Variants in SIMC1 observed in about 807,000 individuals in gnomAD.
The protein encoded by SIMC1 is SUMO interacting motifs containing 1, also known as SUMO-interacting motif-containing protein 1.
A neutral mutation model predicts 82.3 loss-of-function variants in SIMC1; 55 were observed. That is an observed-to-expected ratio of 0.67 (90% CI 0.54 to 0.84). SIMC1 has a LOEUF of 0.84. Ranked by LOEUF, SIMC1 falls within the 40% of genes least tolerant of loss-of-function variation. The pLI is 0.00. For missense variants in SIMC1, 915 were observed against 1,107.2 expected (o/e 0.83, Z 2.46); for synonymous variants, 353 against 426.3 (o/e 0.83, Z 2.12).
chr5:176,275,381 A>G (rs1042242150), intron 1 of SIMC1, among the ~76,000 whole-genome samples: 8 of 151,772 alleles, frequency 5.3e-5, no homozygotes, highest in Admixed American at 2.0e-4. Context: ...GTCTGAGACA[A>G]TGGGCTTTTC....
At chr5:176,261,249 C>T (rs571708971) in intron 1 of SIMC1, 1 of 152,120 alleles carries the variant, frequency 6.6e-6, no homozygotes, top group Non-Finnish European at 1.5e-5. Context: ...TTAAGTGATC[C>T]GCCCACCTCA....
At chr5:176,324,818 G>A (rs112164075) in intron 7 of SIMC1, 61 bp downstream of exon 7, 8 of 1,482,644 alleles carry the variant, frequency 5.4e-6, no homozygotes, top group African/African-American at 1.4e-5. Flanking sequence ...AAAACTCTTG[G>A]AAATCATTTT....
chr5:176,308,449 T>C, intron 4 of SIMC1: 1 of 1,608,344 alleles, frequency 6.2e-7, no homozygotes, highest in South Asian at 1.1e-5. Flanking sequence ...CATATAACTG[T>C]TTGGCCTTCA....
chr5:176,334,037 A>G (rs544331187), intron 7 of SIMC1, among the ~76,000 whole-genome samples: 1 of 151,884 alleles, frequency 6.6e-6, no homozygotes, highest in African/African-American at 2.4e-5. Flanking sequence ...CATTATGTAC[A>G]TCTTAATTTA....
intron 5 of SIMC1, among the ~76,000 whole-genome samples, chr5:176,315,583 C>G (rs1764865763): frequency 6.6e-6 from 1 of 152,136 alleles, no homozygotes. Flanking sequence ...TCTCTTTGTT[C>G]AGAGCAGCAT....
chr5:176,244,719 CT>C (rs1177032281), intron 1 of SIMC1, among the ~76,000 whole-genome samples: 460 of 114,494 alleles, frequency 4.0e-3, no homozygotes, highest in African/African-American at 0.011. Flanking sequence ...TTTTTTTTTC[CT>C]TTTTTTTTTT....
intron 4 of SIMC1, among the ~76,000 whole-genome samples, chr5:176,301,325 T>C (rs567128297): frequency 3.1e-4 from 47 of 152,316 alleles, no homozygotes; most frequent in African/African-American, 9.1e-4. Flanking sequence ...ACATGTAAGA[T>C]GTGACTTTGC....
chr5:176,322,382 C>A lies in SIMC1; in HGVS notation c.1999C>A (p.His667Asn). ...GTGILKASSSHPSSQPNLTKN... is the reference protein window; with the variant it reads ...GTGILKASSSNPSSQPNLTKN... ...AGGAATCTTGAAAGCCAGCAGTAGC[C>A]ACCCTTCTTCCCAGCCCAACCTGAC... The change falls in exon 6 of 10, where the codon CAC becomes AAC. Residue 667 changes from histidine (H) to asparagine (N), a missense_variant. Physicochemically the swap from His to Asn is moderately conservative, Grantham distance 68. Around this residue, in one of 2 missense-constraint regions of SIMC1, gnomAD observed 902 missense variants for 1,040.3 expected, o/e 0.87. Coordinates refer to ENST00000429602, the MANE Select transcript of SIMC1 (RefSeq NM_001308195.2). The A allele has an allele frequency of 1.2e-6, 2 of 1,608,610 alleles. No individual in the cohort carries two copies. The highest frequency in any genetic ancestry group is 8.5e-7 in the Non-Finnish European group (1 of 1,177,628).
At chr5:176,276,445 T>C (rs1762701829) in intron 1 of SIMC1, among the ~76,000 whole-genome samples, 1 of 145,476 alleles carries the variant, frequency 6.9e-6, no homozygotes, top group Non-Finnish European at 1.5e-5. Context: ...ATTAATTTTT[T>C]TTTCTTTTTT....
At chr5:176,308,071 G>GC in intron 4 of SIMC1, 1 of 725,294 alleles carries the variant, frequency 1.4e-6, no homozygotes, top group East Asian at 2.6e-5. Flanking sequence ...AGATGGCAGT[G>GC]CAGGTGGTGC....
At chr5:176,248,937 C>G (rs1426710353) in intron 1 of SIMC1, among the ~76,000 whole-genome samples, 1 of 152,126 alleles carries the variant, frequency 6.6e-6, no homozygotes, top group Non-Finnish European at 1.5e-5. Flanking sequence ...AGCCTTGCAT[C>G]CCAGGGATGA....
intron 1 of SIMC1, among the ~76,000 whole-genome samples, chr5:176,278,137 T>C (rs1240536530): frequency 1.5e-5 from 1 of 66,346 alleles, no homozygotes; most frequent in East Asian, 3.5e-4. Flanking sequence ...AGCAGTGGTT[T>C]GTAGTTCTCC....
At chr5:176,332,518 G>T (rs112975152) in intron 7 of SIMC1, among the ~76,000 whole-genome samples, 1 of 152,068 alleles carries the variant, frequency 6.6e-6, no homozygotes, top group South Asian at 2.1e-4. Flanking sequence ...TCGAACTCCC[G>T]ACCTCAGGTT....
At chr5:176,313,566 T>C in intron 4 of SIMC1, 125 bp from the exon 5 acceptor site, 1 of 1,558,848 alleles carries the variant, frequency 6.4e-7, no homozygotes, top group South Asian at 1.2e-5. Context: ...GAGCCTCTCT[T>C]TTAAGCACAG....
chr5:176,325,285 G>T (rs1408825960), intron 7 of SIMC1, among the ~76,000 whole-genome samples: 2 of 152,116 alleles, frequency 1.3e-5, no homozygotes, highest in Non-Finnish European at 2.9e-5. Context: ...TACTCAGGAG[G>T]CTGAGACACG....
chr5:176,252,275 C>A (rs1406343482), intron 1 of SIMC1, among the ~76,000 whole-genome samples: 1 of 151,890 alleles, frequency 6.6e-6, no homozygotes, highest in South Asian at 2.1e-4. Flanking sequence ...GACCCCCTCA[C>A]CTCCGTCCCG....
At chr5:176,270,884 T>C (rs1233382485) in intron 1 of SIMC1, among the ~76,000 whole-genome samples, 1 of 152,124 alleles carries the variant, frequency 6.6e-6, no homozygotes, top group Non-Finnish European at 1.5e-5. Context: ...TAAATAAATT[T>C]GAAAGGCAGT....
chr5:176,303,114 T>C (rs1764111149), intron 4 of SIMC1, among the ~76,000 whole-genome samples: 1 of 151,998 alleles, frequency 6.6e-6, no homozygotes, highest in Non-Finnish European at 1.5e-5. Context: ...CAGAAGTTGA[T>C]GTCTTTAGCC....
At chr5:176,269,749 AT>A (rs899508316) in intron 1 of SIMC1, among the ~76,000 whole-genome samples, 5 of 150,406 alleles carry the variant, frequency 3.3e-5, no homozygotes, top group South Asian at 2.1e-4. Context: ...AAACATGCAA[AT>A]TTTTTTTTTC....
Sources: allele counts gnomAD v4.1 joint callset (sites outside exome capture counted in the v4.1 genomes callset), GRCh38; gene constraint gnomAD v4.1.1; regional missense constraint gnomAD v4.1.1; transcripts MANE v1.5; gene names NCBI Gene and HGNC (gene_info 2026-07-23, HGNC 2026-07-21).